The following KLF17 variants were observed in gnomAD, a reference collection of about 807,000 sequenced individuals.
The protein encoded by KLF17 is Krueppel-like factor 17.
In KLF17, 31 loss-of-function variants were observed where a neutral mutation model predicts 34.2. The ratio of observed to expected loss-of-function variants is 0.91; its 90% CI spans 0.68 to 1.22. The LOEUF is 1.22. Among genes scored for constraint, KLF17 ranks in the 50% most tolerant of loss-of-function variants. The pLI, the probability that KLF17 is intolerant of heterozygous loss-of-function variation, is 0.00. For synonymous variants in KLF17, 179 were observed against 186.7 expected (o/e 0.96, Z 0.34); for missense variants, 478 against 505.2 (o/e 0.95, Z 0.52).
At chr1:44,105,678 A>T in the KLF17 span, among the ~76,000 whole-genome samples, 24 of 151,740 alleles carry the variant, frequency 1.6e-4, no homozygotes, top group East Asian at 3.9e-3. Context: ...TTTCTTTTTA[A>T]TTTTTTTCTA....
the KLF17 span, among the ~76,000 whole-genome samples, chr1:44,099,825 A>G: frequency 8.7e-6 from 1 of 115,092 alleles, no homozygotes; most frequent in South Asian, 3.1e-4. Context: ...AGAAAGAAAA[A>G]GAAGAAAGAA....
the KLF17 span, among the ~76,000 whole-genome samples, chr1:44,064,002 A>C: frequency 6.6e-6 from 1 of 152,298 alleles, no homozygotes; most frequent in South Asian, 2.1e-4. Flanking sequence ...TCAGCAGGGC[A>C]GTGCGGGGCC....
the KLF17 span, chr1:44,106,653 G>A: frequency 2.6e-5 from 4 of 152,190 alleles, no homozygotes; most frequent in Non-Finnish European, 4.4e-5. Context: ...TGCCCATGGT[G>A]AGTATGGGGG....
chr1:44,056,956 C>T, the KLF17 span, among the ~76,000 whole-genome samples: 5 of 151,858 alleles, frequency 3.3e-5, no homozygotes, highest in African/African-American at 1.2e-4. Flanking sequence ...AGTTTTAAAC[C>T]CTGCTACCCT....
the KLF17 span, among the ~76,000 whole-genome samples, chr1:44,052,814 C>A: frequency 6.6e-6 from 1 of 151,274 alleles, no homozygotes; most frequent in Non-Finnish European, 1.5e-5. Context: ...TCAAATTAGA[C>A]AAATTGAAAA....
At chr1:44,106,152 C>T in the KLF17 span, among the ~76,000 whole-genome samples, 1 of 152,078 alleles carries the variant, frequency 6.6e-6, no homozygotes, top group South Asian at 2.1e-4. Context: ...TACTTCCACT[C>T]TCCTTCCATC....
chr1:44,073,439 C>A, the KLF17 span, among the ~76,000 whole-genome samples: 2 of 151,902 alleles, frequency 1.3e-5, no homozygotes, highest in Non-Finnish European at 2.9e-5. Flanking sequence ...CTCCTGACCT[C>A]AGGTGATCCA....
At chr1:44,094,935 C>T in the KLF17 span, among the ~76,000 whole-genome samples, 1 of 148,706 alleles carries the variant, frequency 6.7e-6, no homozygotes, top group Non-Finnish European at 1.5e-5. Context: ...CGGAGTCTCA[C>T]TCTCACCCAG....
At chr1:44,083,682 C>A in the KLF17 span, among the ~76,000 whole-genome samples, 1 of 150,658 alleles carries the variant, frequency 6.6e-6, no homozygotes, top group Non-Finnish European at 1.5e-5. Context: ...TAGTTCCAGC[C>A]ACTTGGGAGG....
At chr1:44,113,660 C>T in the KLF17 span, among the ~76,000 whole-genome samples, 18 of 152,186 alleles carry the variant, frequency 1.2e-4, no homozygotes, top group Admixed American at 3.3e-4. Context: ...GATGACCTTT[C>T]CTGTGATTTG....
the KLF17 span, chr1:44,044,853 CAA>C: frequency 1.3e-5 from 2 of 152,216 alleles, no homozygotes; most frequent in Non-Finnish European, 2.9e-5. Context: ...CTGGAGAAAA[CAA>C]GAGTAGACCC....
At chr1:44,058,673 T>A in the KLF17 span, among the ~76,000 whole-genome samples, 1 of 23,124 alleles carries the variant, frequency 4.3e-5, no homozygotes, top group African/African-American at 3.6e-4. Flanking sequence ...GGCCCTTTTT[T>A]TTTTTTTTTT....
chr1:44,061,831 T>C, the KLF17 span, among the ~76,000 whole-genome samples: 1 of 152,078 alleles, frequency 6.6e-6, no homozygotes, highest in African/African-American at 2.4e-5. Context: ...GGCAGGAGAA[T>C]CACTTGAACC....
intron 1 of KLF17, 114 bp from the exon 2 acceptor site, chr1:44,129,239 A>T (rs1194749196): frequency 7.0e-6 from 9 of 1,292,246 alleles, no homozygotes; most frequent in Non-Finnish European, 9.4e-6. Context: ...AGGCAGGATA[A>T]TTCAAGCAAG....
chr1:44,127,243 G>C (rs1034151554), intron 1 of KLF17, among the ~76,000 whole-genome samples: 1 of 152,048 alleles, frequency 6.6e-6, no homozygotes, highest in Non-Finnish European at 1.5e-5. Flanking sequence ...TGCTAAAAAT[G>C]ACATTCAAAC....
intron 1 of KLF17, among the ~76,000 whole-genome samples, chr1:44,128,905 A>G (rs1481960303): frequency 6.6e-6 from 1 of 152,002 alleles, no homozygotes; most frequent in Admixed American, 6.6e-5. Flanking sequence ...CCAGCTACTC[A>G]GGAGGCTGAG....
the KLF17 span, among the ~76,000 whole-genome samples, chr1:44,090,895 A>G: frequency 1.1e-4 from 16 of 151,950 alleles, no homozygotes; most frequent in African/African-American, 3.9e-4. Context: ...CAAAACTTGC[A>G]GGAGATACAA....
At chr1:44,090,805 G>T in the KLF17 span, among the ~76,000 whole-genome samples, 1 of 152,034 alleles carries the variant, frequency 6.6e-6, no homozygotes, top group Non-Finnish European at 1.5e-5. Context: ...ATCAAAAGGT[G>T]CTATAACCAG....
chr1:44,073,671 A>G, the KLF17 span, among the ~76,000 whole-genome samples: 1 of 152,144 alleles, frequency 6.6e-6, no homozygotes, highest in South Asian at 2.1e-4. Context: ...CCAAGCAGAG[A>G]GGCTGGCCCT....
Sources: allele counts gnomAD v4.1 joint callset (sites outside exome capture counted in the v4.1 genomes callset), GRCh38; gene constraint gnomAD v4.1.1; transcripts MANE v1.5; gene names NCBI Gene and HGNC (gene_info 2026-07-23, HGNC 2026-07-21).